The following BNC2 variants were observed in gnomAD, a reference collection of about 807,000 sequenced individuals.
The protein encoded by BNC2 is zinc finger protein basonuclin-2.
Under a neutral mutation model 76.3 loss-of-function variants are expected in BNC2, and 20 were observed. The ratio of observed to expected loss-of-function variants is 0.26; its 90% CI spans 0.18 to 0.38. The LOEUF is 0.38. Among genes scored for constraint, BNC2 ranks in the 10% least tolerant of loss-of-function variants. The pLI is 1.00. For missense variants in BNC2, 1,382 were observed against 1,399.8 expected (o/e 0.99, Z 0.20); for synonymous variants, 582 against 514.8 (o/e 1.13, Z -1.77).
At chr9:16,817,999 G>A (rs1288138656) in intron 1 of BNC2, among the ~76,000 whole-genome samples, 1 of 152,110 alleles carries the variant, frequency 6.6e-6, no homozygotes, top group African/African-American at 2.4e-5. Context: ...AAGCTAAAAT[G>A]TCATAGAAAA....
intron 1 of BNC2, among the ~76,000 whole-genome samples, chr9:16,849,326 C>T (rs1819068155): frequency 6.7e-6 from 1 of 149,454 alleles, no homozygotes; most frequent in African/African-American, 2.5e-5. Context: ...AAAATGATTC[C>T]TAGATCTGCA....
chr9:16,842,306 ACTTT>A (rs1247830634), intron 1 of BNC2, among the ~76,000 whole-genome samples: 29 of 152,338 alleles, frequency 1.9e-4, no homozygotes, highest in African/African-American at 6.5e-4. Context: ...TAAGTATGAT[ACTTT>A]CTGTTTCTGT....
At chr9:16,726,946 G>C (rs1243464221) in intron 3 of BNC2, 7 of 152,280 alleles carry the variant, frequency 4.6e-5, no homozygotes, top group Non-Finnish European at 8.8e-5. Flanking sequence ...CGCGTATCAC[G>C]GAGCGCATGG....
chr9:16,688,419 G>A (rs985808102), intron 3 of BNC2, among the ~76,000 whole-genome samples: 3 of 152,098 alleles, frequency 2.0e-5, no homozygotes, highest in Non-Finnish European at 4.4e-5. Flanking sequence ...CTTATTATTA[G>A]TCTATTGTAA....
chr9:16,807,309 A>T (rs2243719), intron 1 of BNC2, among the ~76,000 whole-genome samples: 16,502 of 152,232 alleles, frequency 0.11, 994 homozygotes, highest in South Asian at 0.17. Context: ...AGAACACAAC[A>T]TAGTATCAAT....
chr9:16,652,107 C>G (rs1262554494), intron 3 of BNC2, among the ~76,000 whole-genome samples: 3 of 152,110 alleles, frequency 2.0e-5, no homozygotes, highest in African/African-American at 7.2e-5. Context: ...CAAAGGCAGA[C>G]TTGTTCAGCT....
chr9:16,568,304 T>G (rs1819223615), intron 4 of BNC2, among the ~76,000 whole-genome samples: 1 of 152,180 alleles, frequency 6.6e-6, no homozygotes, highest in African/African-American at 2.4e-5. Flanking sequence ...AGATTTTTAT[T>G]GGAGCAATTT....
chr9:16,472,949 C>T (rs28571854), intron 5 of BNC2, among the ~76,000 whole-genome samples: 20,004 of 152,134 alleles, frequency 0.13, 2,046 homozygotes, highest in African/African-American at 0.28. Flanking sequence ...ATGGGTCATC[C>T]ACAGAGAGGC....
intron 6 of BNC2, chr9:16,430,115 C>A: frequency 2.3e-6 from 1 of 437,754 alleles, no homozygotes; most frequent in Admixed American, 2.4e-5. Context: ...TGTGTGTTTG[C>A]TTCTGATGGA....
At chr9:16,582,216 A>G (rs904704320) in intron 4 of BNC2, among the ~76,000 whole-genome samples, 1 of 149,292 alleles carries the variant, frequency 6.7e-6, no homozygotes, top group East Asian at 1.9e-4. Context: ...TGGGAGGTGG[A>G]AAAAAAAACG....
At chr9:16,640,190 AACAAAGTCCTCAGACT>A (rs955772101) in intron 3 of BNC2, among the ~76,000 whole-genome samples, 1 of 152,208 alleles carries the variant, frequency 6.6e-6, no homozygotes, top group African/African-American at 2.4e-5. Context: ...AAAAGAAGAA[AACAAAGTCCTCAGACT>A]ACAAAAGCCA....
chr9:16,518,883 G>A (rs1817524402), intron 5 of BNC2, among the ~76,000 whole-genome samples: 1 of 152,204 alleles, frequency 6.6e-6, no homozygotes, highest in South Asian at 2.1e-4. Flanking sequence ...TTACAGGCGT[G>A]AGCCACTGAG....
intron 3 of BNC2, among the ~76,000 whole-genome samples, chr9:16,677,370 C>T (rs1370476212): frequency 5.3e-5 from 8 of 152,188 alleles, no homozygotes; most frequent in East Asian, 3.9e-4. Flanking sequence ...ATCAAGAGTT[C>T]GAGACCAGCC....
chr9:16,825,024 A>C (rs895141271), intron 1 of BNC2, among the ~76,000 whole-genome samples: 1 of 141,642 alleles, frequency 7.1e-6, no homozygotes, highest in African/African-American at 2.6e-5. Flanking sequence ...CAAACAAATC[A>C]CATCTTTTTT....
chr9:16,578,361 G>A (rs1182700634), intron 4 of BNC2, among the ~76,000 whole-genome samples: 5 of 152,074 alleles, frequency 3.3e-5, no homozygotes, highest in Non-Finnish European at 5.9e-5. Context: ...AAACTAACTT[G>A]CAAATATTAA....
chr9:16,581,487 G>T (rs546279249), intron 4 of BNC2, among the ~76,000 whole-genome samples: 2 of 152,298 alleles, frequency 1.3e-5, no homozygotes, highest in East Asian at 3.9e-4. Flanking sequence ...GAACCCGGGA[G>T]TTGGAGGTTG....
chr9:16,564,369 A>G (rs1276435471), intron 4 of BNC2, among the ~76,000 whole-genome samples: 1 of 152,228 alleles, frequency 6.6e-6, no homozygotes, highest in Non-Finnish European at 1.5e-5. Context: ...GACCAAGCTA[A>G]GAAGTAGGAG....
chr9:16,818,830 AT>A (rs1239379312), intron 1 of BNC2, among the ~76,000 whole-genome samples: 1 of 151,534 alleles, frequency 6.6e-6, no homozygotes, highest in African/African-American at 2.4e-5. Context: ...CCTGGAATGA[AT>A]TTTTAAAAAA....
At chr9:16,850,303 A>G (rs1819099031) in intron 1 of BNC2, among the ~76,000 whole-genome samples, 1 of 152,220 alleles carries the variant, frequency 6.6e-6, no homozygotes, top group Non-Finnish European at 1.5e-5. Flanking sequence ...CAGTGGAATG[A>G]TATTTATAAG....
Sources: allele counts gnomAD v4.1 joint callset (sites outside exome capture counted in the v4.1 genomes callset), GRCh38; gene constraint gnomAD v4.1.1; transcripts MANE v1.5; gene names NCBI Gene and HGNC (gene_info 2026-07-23, HGNC 2026-07-21).